Variants in PCDH9 observed in about 807,000 individuals in gnomAD.
PCDH9 encodes the protein protocadherin-9.
Under a neutral mutation model 70.6 loss-of-function variants are expected in PCDH9, and 24 were observed. The ratio of observed to expected loss-of-function variants is 0.34; its 90% CI spans 0.25 to 0.48. The LOEUF (loss-of-function observed/expected upper bound fraction) is 0.48. PCDH9 is among the 20% of genes least tolerant of loss of function. PCDH9 has a pLI of 0.99. For synonymous variants in PCDH9, 562 were observed against 558.5 expected (o/e 1.01, Z -0.09); for missense variants, 1,281 against 1,503.6 (o/e 0.85, Z 2.45).
intron 4 of PCDH9, among the ~76,000 whole-genome samples, chr13:66,628,447 A>G (rs958035622): frequency 3.9e-5 from 6 of 152,228 alleles, no homozygotes; most frequent in African/African-American, 1.4e-4. Flanking sequence ...ACTATTTCTA[A>G]AAACTAAGCT....
chr13:66,686,156 T>A (rs1235390373), intron 3 of PCDH9, among the ~76,000 whole-genome samples: 1 of 152,084 alleles, frequency 6.6e-6, no homozygotes, highest in Non-Finnish European at 1.5e-5. Context: ...GAATTGTAGT[T>A]CCCATAATCC....
At chr13:66,802,196 C>T (rs1363013417) in intron 3 of PCDH9, among the ~76,000 whole-genome samples, 2 of 151,392 alleles carry the variant, frequency 1.3e-5, no homozygotes, top group East Asian at 1.9e-4. Flanking sequence ...TAGTATTAAT[C>T]AAAGTTTCAT....
chr13:67,180,456 T>C (rs566333275), intron 2 of PCDH9, among the ~76,000 whole-genome samples: 1 of 152,260 alleles, frequency 6.6e-6, no homozygotes, highest in East Asian at 1.9e-4. Context: ...AAGACATGGT[T>C]CTGCTGTTAT....
In PCDH9 at chr13:66,963,618, C is replaced by G. The variant is rs1237805812; in HGVS notation, c.3037-60013G>C. 2.6e-5 allele frequency among the ~76,000 whole-genome samples: 4 copies of G among 152,100 alleles called. No individual in the cohort carries two copies. The East Asian group carries it at 5.8e-4, about 22-fold the overall frequency. ...ACTTCTTAAAAATTTGTCCCCTTTTCCCGTTTAAATAATGCAGAGATTATG... is the reference window on the plus strand; with the variant it reads ...ACTTCTTAAAAATTTGTCCCCTTTTGCCGTTTAAATAATGCAGAGATTATG... On this transcript the variant is annotated intron_variant, in intron 2 of 4. Coordinates refer to ENST00000377865, the MANE Select transcript of PCDH9 (RefSeq NM_203487.3).
chr13:66,715,875 AT>A (rs1330268592), intron 3 of PCDH9, among the ~76,000 whole-genome samples: 1 of 152,212 alleles, frequency 6.6e-6, no homozygotes, highest in Non-Finnish European at 1.5e-5. Flanking sequence ...CCTCTTCACT[AT>A]TTCAACATCT....
chr13:66,667,841 C>A (rs187524920), intron 3 of PCDH9, among the ~76,000 whole-genome samples: 42 of 152,134 alleles, frequency 2.8e-4, no homozygotes, highest in African/African-American at 1.0e-3. Flanking sequence ...CTAAATCAAT[C>A]TTAATAAGTA....
rs1401506883 is a variant in PCDH9, at chr13:66,845,663, C to G, written c.3138+57841G>C. Among the ~76,000 whole-genome samples the G allele has an allele frequency of 2.6e-5, 4 of 152,226 alleles. No homozygotes were observed. In the East Asian group the frequency reaches 7.8e-4, roughly 30 times the overall value. On this transcript the variant is annotated intron_variant, in intron 3 of 4. Coordinates refer to ENST00000377865, the MANE Select transcript of PCDH9 (RefSeq NM_203487.3). ...AGGAGGGCAGTGCTCCTGCTTGCTC[C>G]GTGGAGGACACAGTGCCAACTGCAC... is the stretch of plus-strand genomic sequence containing the variant.
At chr13:66,369,082 T>A (rs192148496) in intron 4 of PCDH9, among the ~76,000 whole-genome samples, 2 of 152,170 alleles carry the variant, frequency 1.3e-5, no homozygotes, top group Non-Finnish European at 2.9e-5. Context: ...TTCAAAGAGA[T>A]TTTTCTTTGG....
At chr13:66,990,233 A>G (rs2083974092) in intron 2 of PCDH9, among the ~76,000 whole-genome samples, 1 of 151,834 alleles carries the variant, frequency 6.6e-6, no homozygotes, top group Non-Finnish European at 1.5e-5. Flanking sequence ...GCTAAACAGA[A>G]TAAAGTTCTA....
At chr13:67,075,778 T>C (rs1479388726) in intron 2 of PCDH9, among the ~76,000 whole-genome samples, 13 of 152,102 alleles carry the variant, frequency 8.5e-5, no homozygotes, top group African/African-American at 3.1e-4. Flanking sequence ...TGTTCAAATG[T>C]GGTTTATTCA....
intron 4 of PCDH9, among the ~76,000 whole-genome samples, chr13:66,600,045 C>T (rs1318886617): frequency 1.3e-5 from 2 of 151,616 alleles, no homozygotes; most frequent in Non-Finnish European, 2.9e-5. Context: ...TTGATATTTC[C>T]TTCTCAGTCA....
chr13:66,571,062 C>T (rs1326341328), intron 4 of PCDH9, among the ~76,000 whole-genome samples: 1 of 151,902 alleles, frequency 6.6e-6, no homozygotes, highest in Non-Finnish European at 1.5e-5. Flanking sequence ...CTATTCTAGG[C>T]ATAGATATAA....
chr13:66,606,277 C>T (rs908647606), intron 4 of PCDH9, among the ~76,000 whole-genome samples: 3 of 152,078 alleles, frequency 2.0e-5, no homozygotes, highest in African/African-American at 4.8e-5. Flanking sequence ...TGTAGAATTT[C>T]TAATGTCATT....
intron 2 of PCDH9, among the ~76,000 whole-genome samples, chr13:67,084,235 T>C (rs900084174): frequency 6.6e-6 from 1 of 152,126 alleles, no homozygotes; most frequent in East Asian, 1.9e-4. Context: ...CCAAATGGAT[T>C]CACTGGCACA....
intron 2 of PCDH9, among the ~76,000 whole-genome samples, chr13:67,166,461 T>C (rs2088118916): frequency 6.6e-6 from 1 of 152,180 alleles, no homozygotes; most frequent in Non-Finnish European, 1.5e-5. Context: ...TTTCAGATTA[T>C]ACAAAATGAG....
intron 4 of PCDH9, among the ~76,000 whole-genome samples, chr13:66,592,718 C>T (rs1469774301): frequency 6.6e-6 from 1 of 151,538 alleles, no homozygotes; most frequent in Non-Finnish European, 1.5e-5. Context: ...CAGATTAACT[C>T]TCTGTAATAT....
intron 2 of PCDH9, among the ~76,000 whole-genome samples, chr13:66,995,585 T>G (rs1174712345): frequency 6.6e-6 from 1 of 152,200 alleles, no homozygotes; most frequent in African/African-American, 2.4e-5. Flanking sequence ...GTTCCATGTT[T>G]GTGTCAGTTC....
At chr13:66,327,199 A>G (rs758229819) in intron 4 of PCDH9, among the ~76,000 whole-genome samples, 1 of 152,242 alleles carries the variant, frequency 6.6e-6, no homozygotes. Context: ...AAACCTCCAC[A>G]GTAACCCTGT....
intron 4 of PCDH9, among the ~76,000 whole-genome samples, chr13:66,519,686 A>G (rs1959901639): frequency 6.6e-6 from 1 of 152,162 alleles, no homozygotes; most frequent in Admixed American, 6.6e-5. Context: ...GCAAGAGGTT[A>G]TGATCCTGAT....
Sources: allele counts gnomAD v4.1 joint callset (sites outside exome capture counted in the v4.1 genomes callset), GRCh38; gene constraint gnomAD v4.1.1; transcripts MANE v1.5; gene names NCBI Gene and HGNC (gene_info 2026-07-23, HGNC 2026-07-21).